Variants in BBS2 observed in about 807,000 individuals in gnomAD.
The protein encoded by BBS2 is BBSome complex member BBS2.
A neutral mutation model predicts 83.0 loss-of-function variants in BBS2; 62 were observed. The ratio of observed to expected loss-of-function variants is 0.75; its 90% CI spans 0.61 to 0.92. The LOEUF (loss-of-function observed/expected upper bound fraction) is 0.92, where lower values mean the gene tolerates loss of function less well. Among genes scored for constraint, BBS2 ranks in the 40% least tolerant of loss-of-function variants. The pLI, the probability that BBS2 is intolerant of heterozygous loss-of-function variation, is 0.00. For synonymous variants in BBS2, 303 were observed against 326.1 expected (o/e 0.93, Z 0.76); for missense variants, 784 against 901.0 (o/e 0.87, Z 1.66).
chr16:56,476,210 A>C (rs1963470292), intron 17 of BBS2: 3 of 1,609,216 alleles, frequency 1.9e-6, no homozygotes, highest in African/African-American at 2.7e-5. Context: ...GAATGACAGC[A>C]CTGGGCAAAG....
chr16:56,480,988 G>GATGGAAAAGAC (rs1369773613), downstream of BBS2, among the ~76,000 whole-genome samples: 1 of 152,160 alleles, frequency 6.6e-6, no homozygotes, highest in Non-Finnish European at 1.5e-5. Flanking sequence ...GCAGGGGCCA[G>GATGGAAAAGAC]ATGGAAAAGA....
At chr16:56,513,046 G>A (rs1964623321) in intron 2 of BBS2, among the ~76,000 whole-genome samples, 1 of 152,158 alleles carries the variant, frequency 6.6e-6, no homozygotes, top group South Asian at 2.1e-4. Flanking sequence ...CAGCTACTCA[G>A]AAGGCTGAGG....
At position 56,502,317 on chromosome 16, in the gene BBS2, C is replaced by T; in HGVS notation, c.1080G>A (p.Lys360=). 2.5e-6 allele frequency: 4 copies of T among 1,614,196 alleles called. No individual in the cohort carries two copies. The highest frequency in any genetic ancestry group is 2.2e-5 in the East Asian group (1 of 44,884). The part of the protein sequence containing the change: ...LELRNYEENA[K]AELASPLNEA... ...TGGTCACATTAGGACCTACACCTAC[C>T]TTGGCATTTTCCTCATAGTTACGGA... The change falls in exon 9 of 17, where the codon AAG becomes AAA. Residue 360 remains lysine (K), a splice_region_variant and synonymous_variant. Coordinates refer to ENST00000245157, the MANE Select transcript of BBS2 (RefSeq NM_031885.5).
intron 5 of BBS2, among the ~76,000 whole-genome samples, chr16:56,507,829 G>A (rs549107358): frequency 1.7e-4 from 26 of 152,140 alleles, no homozygotes; most frequent in South Asian, 1.5e-3. Context: ...TTAGCTGGGC[G>A]CGGTGGCAGG....
chr16:56,499,454 C>T (rs937980234), intron 12 of BBS2: 9 of 346,720 alleles, frequency 2.6e-5, no homozygotes, highest in African/African-American at 1.9e-4. Context: ...CCAAGTCCCA[C>T]TCTCTTTTCA....
chr16:56,474,891 T>C, intron 17 of BBS2: 1 of 1,613,718 alleles, frequency 6.2e-7, no homozygotes, highest in Non-Finnish European at 8.5e-7. Flanking sequence ...TACACTTTAA[T>C]TCATGACCAT....
chr16:56,484,784 G>C lies in BBS2; in HGVS notation c.2143C>G (p.Arg715Gly). The change falls in exon 17 of 17, where the codon CGA becomes GGA. Residue 715 changes from arginine (R) to glycine (G), a missense_variant. Arg to Gly is a moderately radical substitution (Grantham distance 125). Transcript: ENST00000245157. ...NNINTLFKIMRVGTASS is the reference protein window; with the variant it reads ...NNINTLFKIMGVGTASS The stretch of plus-strand genomic sequence containing the variant: ...ACCTAGGAAGAAGCTGTCCCCACTC[G>C]CATGATTTTGAACAGTGTGTTGATG... The C allele has an allele frequency of 1.2e-6, 2 of 1,613,730 alleles. No individual in the cohort carries two copies. The highest frequency in any genetic ancestry group is 1.7e-6 in the Non-Finnish European group (2 of 1,179,754).
At chr16:56,501,625 G>T in intron 9 of BBS2, 128 bp from the exon 10 acceptor site, 1 of 1,287,950 alleles carries the variant, frequency 7.8e-7, no homozygotes. Context: ...ATAGTAATCT[G>T]ATTCTTTAGA....
chr16:56,504,215 A>C (rs1370817656), intron 7 of BBS2, among the ~76,000 whole-genome samples: 1 of 152,228 alleles, frequency 6.6e-6, no homozygotes, highest in Non-Finnish European at 1.5e-5. Flanking sequence ...AATGACCTGC[A>C]TTTTTAACAA....
chr16:56,502,624 A>AG, intron 8 of BBS2, 49 bp downstream of exon 8: 1 of 1,613,878 alleles, frequency 6.2e-7, no homozygotes, highest in Non-Finnish European at 8.5e-7. Flanking sequence ...TTTTGACCCA[A>AG]TCAAATGGAA....
chr16:56,514,900 A>G (rs1250781461), intron 1 of BBS2, among the ~76,000 whole-genome samples: 1 of 152,186 alleles, frequency 6.6e-6, no homozygotes, highest in East Asian at 1.9e-4. Flanking sequence ...GTAAGGAACA[A>G]GGTAATGAAC....
rs1964070084 is a variant in BBS2 at position 56,494,889 on chromosome 16, G to C, written c.1910+2078C>G. On this transcript the variant is annotated intron_variant, in intron 15 of 16. Transcript: ENST00000245157. The stretch of plus-strand genomic sequence containing the variant: ...AGGCAGGAGAATGGCATGAACCCGG[G>C]AGGCGGAGGTTGCAGTGAGCCGAGA... Among the ~76,000 whole-genome samples the C allele has an allele frequency of 2.6e-5, 4 of 151,716 alleles. No homozygotes were observed. In the South Asian group the frequency reaches 8.4e-4, roughly 32 times the overall value.
chr16:56,498,871 T>A (rs1964186745), intron 12 of BBS2: 2 of 483,956 alleles, frequency 4.1e-6, no homozygotes, highest in Non-Finnish European at 7.1e-6. Context: ...CATAGTCTTA[T>A]ATGCAATGTA....
chr16:56,506,313 T>C, intron 5 of BBS2, 89 bp from the exon 6 acceptor site: 1 of 956,976 alleles, frequency 1.0e-6, no homozygotes, highest in Non-Finnish European at 1.7e-6. Flanking sequence ...ACACTCCTTG[T>C]TACAACTATG....
intron 17 of BBS2, among the ~76,000 whole-genome samples, chr16:56,473,118 G>C (rs192672656): frequency 1.3e-5 from 2 of 152,192 alleles, no homozygotes; most frequent in African/African-American, 4.8e-5. Flanking sequence ...TTTTAGTAGA[G>C]ACGGGGTTTC....
At chr16:56,494,266 C>A (rs1964048541) in intron 15 of BBS2, among the ~76,000 whole-genome samples, 1 of 151,132 alleles carries the variant, frequency 6.6e-6, no homozygotes, top group African/African-American at 2.4e-5. Flanking sequence ...CCGTGCCCAA[C>A]CTGAAGCCAT....
chr16:56,512,763 G>A (rs573615339), intron 2 of BBS2, among the ~76,000 whole-genome samples: 97 of 152,238 alleles, frequency 6.4e-4, no homozygotes, highest in African/African-American at 2.3e-3. Flanking sequence ...TATTTTTATT[G>A]GGGTATTGGT....
downstream of BBS2, among the ~76,000 whole-genome samples, chr16:56,480,352 CAAAAAAAAAAAAACA>C (rs1245843590): frequency 1.3e-5 from 1 of 76,592 alleles, no homozygotes; most frequent in Non-Finnish European, 2.3e-5. Context: ...CACACACACA[CAAAAAAAAAAAAACA>C]AAAAAAAAAA....
At chr16:56,517,274 A>G (rs538887273) in intron 1 of BBS2, among the ~76,000 whole-genome samples, 1 of 152,304 alleles carries the variant, frequency 6.6e-6, no homozygotes, top group African/African-American at 2.4e-5. Context: ...TATAAAAACC[A>G]AGGTCTTTGC....
Sources: gnomAD v4.1 joint callset for allele counts (sites outside exome capture counted in the v4.1 genomes callset) on GRCh38, gnomAD v4.1.1 for gene constraint, MANE v1.5 for transcripts, NCBI Gene and HGNC (gene_info 2026-07-23, HGNC 2026-07-21) for gene names.